Variants in SCAF8 observed in about 807,000 individuals in gnomAD.
SCAF8 encodes the protein SR-related CTD associated factor 8.
SCAF8 carries 23 observed loss-of-function variants against 140.5 expected under a neutral mutation model. The ratio of observed to expected loss-of-function variants is 0.16; its 90% CI spans 0.12 to 0.23. The LOEUF (loss-of-function observed/expected upper bound fraction) is 0.23, where lower values mean the gene tolerates loss of function less well. SCAF8 is among the 10% of genes least tolerant of loss of function. SCAF8 has a pLI of 1.00. For missense variants in SCAF8, 1,397 were observed against 1,555.7 expected (o/e 0.90, Z 1.72); for synonymous variants, 575 against 528.9 (o/e 1.09, Z -1.20).
intron 3 of SCAF8, among the ~76,000 whole-genome samples, chr6:154,781,872 A>T (rs1777095618): frequency 1.3e-5 from 2 of 152,214 alleles, no homozygotes; most frequent in African/African-American, 4.8e-5. Context: ...GTACCATTTT[A>T]TATTCTCTTC....
chr6:154,798,382 G>C (rs1777669739), intron 6 of SCAF8, among the ~76,000 whole-genome samples: 1 of 151,256 alleles, frequency 6.6e-6, no homozygotes, highest in Non-Finnish European at 1.5e-5. Context: ...AGACAATTGA[G>C]AGTAAACAGT....
At chr6:154,779,491 A>C (rs1358796264) in intron 3 of SCAF8, among the ~76,000 whole-genome samples, 1 of 152,240 alleles carries the variant, frequency 6.6e-6, no homozygotes, top group Non-Finnish European at 1.5e-5. Context: ...TTTCTTTACA[A>C]ACCACAATTT....
At position 154,832,980 on chromosome 6, in the gene SCAF8, G is replaced by C; in HGVS notation, c.3401G>C (p.Ser1134Thr). Residue 1134 changes from serine to threonine, a missense_variant, in exon 20 of 20, where the codon AGT becomes ACT. By Grantham distance (58) the Ser-to-Thr change is moderately conservative (BLOSUM62 1). Coordinates refer to ENST00000367178, the MANE Select transcript of SCAF8 (RefSeq NM_014892.5). ...GGAAACTATCGATTTGATCCTAGAA[G>C]TGGTCCTTGGAACCGAGGATTTGGA... ...RSGNYRFDPR[S>T]GPWNRGFGQE... The C allele has an allele frequency of 6.2e-7, 1 of 1,614,136 alleles. No individual in the cohort carries two copies. Among genetic ancestry groups the C allele is most frequent in the Non-Finnish European group, 8.5e-7 (1 of 1,180,014 alleles).
intron 8 of SCAF8, 149 bp downstream of exon 8, chr6:154,803,772 T>C (rs954655390): frequency 5.0e-6 from 3 of 601,126 alleles, no homozygotes; most frequent in Admixed American, 3.1e-5. Flanking sequence ...TATGTCTTGT[T>C]GTCTCTTTGT....
chr6:154,776,204 GT>G (rs1314076298), intron 2 of SCAF8, among the ~76,000 whole-genome samples: 255 of 147,230 alleles, frequency 1.7e-3, no homozygotes, highest in African/African-American at 4.1e-3. Context: ...TCACCCAGCA[GT>G]TTTTTTTTTG....
intron 18 of SCAF8, among the ~76,000 whole-genome samples, chr6:154,829,094 A>G (rs1024136946): frequency 2.0e-5 from 3 of 152,188 alleles, no homozygotes; most frequent in Non-Finnish European, 4.4e-5. Flanking sequence ...AACAAACACA[A>G]GTTTACCTAT....
rs1190532954 is a variant in SCAF8 at position 154,784,154 on chromosome 6, TA to T, written c.160-3706del. Among the ~76,000 whole-genome samples the T allele has an allele frequency of 3.7e-3, 425 of 114,772 alleles. 6 individuals carry two copies. The highest frequency in any genetic ancestry group is 0.023 in the East Asian group (94 of 4,100). 75.3% of individuals were successfully genotyped at this position (114,772 alleles called of 152,430 possible). On this transcript the variant is annotated intron_variant, in intron 3 of 19. Transcript: ENST00000367178. ...ATATATATATATATATATATATATA[TA>T]TATTTATTTATTTATTTTTCATGTA...
Position 154,810,743 on chromosome 6 carries a change from G to C in SCAF8, c.1420+535G>C, listed in dbSNP as rs570828770. On this transcript the variant is annotated intron_variant, in intron 12 of 19. Transcript: ENST00000367178. ...TGGTTTTGGAGCAGGTGTGGGGAGG[G>C]TTCACTTGGTAGGAATGTTAAGCAC... 1.6e-3 allele frequency among the ~76,000 whole-genome samples: 247 copies of C among 152,072 alleles called. 1 individual carries two copies. Among genetic ancestry groups the C allele is most frequent in the Non-Finnish European group, 2.9e-3 (196 of 67,992 alleles).
intron 1 of SCAF8, among the ~76,000 whole-genome samples, chr6:154,772,360 C>T (rs916066022): frequency 1.3e-5 from 2 of 152,142 alleles, no homozygotes; most frequent in Non-Finnish European, 2.9e-5. Context: ...AAGTAGGATT[C>T]TTTCCCTTTG....
rs146199277 is a variant in SCAF8 at position 154,832,027 on chromosome 6, A to G, written c.2448A>G (p.Gln816=). 1.2e-5 allele frequency: 19 copies of G among 1,613,910 alleles called. No individual in the cohort carries two copies. The highest frequency in any genetic ancestry group is 1.5e-5 in the Non-Finnish European group (18 of 1,179,952). Residue 816 remains glutamine, a synonymous_variant, in exon 20 of 20, where the codon CAA becomes CAG. Coordinates refer to ENST00000367178, the MANE Select transcript of SCAF8 (RefSeq NM_014892.5). ...VTSNSGILGV[Q]RPNVSSNSEI... is the part of the protein sequence containing the mutation. ...GCAATTCTGGAATTCTGGGAGTCCAAAGACCAAATGTATCAAGTAATTCTG... is the reference window on the plus strand; with the variant it reads ...GCAATTCTGGAATTCTGGGAGTCCAGAGACCAAATGTATCAAGTAATTCTG...
In SCAF8 at chr6:154,733,682, C is replaced by A; in HGVS notation, c.-219C>A. The A allele has an allele frequency of 2.3e-6, 3 of 1,306,426 alleles. No homozygotes were observed. The highest frequency in any genetic ancestry group is 2.9e-6 in the Non-Finnish European group (3 of 1,031,058). The allele number at this position is 1,306,426 out of a possible 1,614,324, so 80.9% of individuals were successfully genotyped here. ...CGCCTCTGTTCCCTAGAACGGCGCT[C>A]CCCCCGCCCTAGCGGCCATGCCGGT... On this transcript the variant is annotated 5_prime_UTR_variant, in exon 1 of 20. Transcript: ENST00000367178.
At chr6:154,828,233 TCTTAA>T (rs1347505997) in intron 18 of SCAF8, among the ~76,000 whole-genome samples, 3 of 152,204 alleles carry the variant, frequency 2.0e-5, no homozygotes, top group Non-Finnish European at 4.4e-5. Flanking sequence ...CTTCCATGTT[TCTTAA>T]CTTAAATGAA....
intron 12 of SCAF8, 114 bp downstream of exon 12, chr6:154,810,322 G>C (rs974761711): frequency 1.9e-5 from 13 of 672,172 alleles, no homozygotes; most frequent in Admixed American, 3.6e-5. Context: ...AAAGTGGTTT[G>C]GTAAATGAGT....
chr6:154,778,687 C>G (rs561792603), intron 3 of SCAF8, among the ~76,000 whole-genome samples: 42 of 151,816 alleles, frequency 2.8e-4, no homozygotes, highest in Non-Finnish European at 4.7e-4. Flanking sequence ...TTGCTTGAAC[C>G]CAGGGGGCGG....
At chr6:154,748,622 A>G (rs1428209498) in intron 1 of SCAF8, among the ~76,000 whole-genome samples, 1 of 152,198 alleles carries the variant, frequency 6.6e-6, no homozygotes. Context: ...AACATCAAGA[A>G]ATAAGGTTTA....
Position 154,769,201 on chromosome 6 carries a change from G to A in SCAF8, c.31-4788G>A, listed in dbSNP as rs574998415. 6.3e-4 allele frequency among the ~76,000 whole-genome samples: 96 copies of A among 152,196 alleles called. 5 individuals carry two copies. The South Asian group carries it at 0.017, about 27-fold the overall frequency. Reference sequence around the variant, plus strand: ...AGTATTTCCTTGAATAGTAACTTGAGTGTCTGCAGTGGGTACATTTTTAAG... The same window carrying A: ...AGTATTTCCTTGAATAGTAACTTGAATGTCTGCAGTGGGTACATTTTTAAG... On this transcript the variant is annotated intron_variant, in intron 1 of 19. Transcript: ENST00000367178.
chr6:154,756,842 A>G (rs1356534876), intron 1 of SCAF8, among the ~76,000 whole-genome samples: 1 of 152,064 alleles, frequency 6.6e-6, no homozygotes, highest in African/African-American at 2.4e-5. Flanking sequence ...CAGCCTGGAC[A>G]ACATAACGAA....
intron 3 of SCAF8, among the ~76,000 whole-genome samples, chr6:154,785,028 A>G (rs1471821556): frequency 2.0e-5 from 3 of 152,194 alleles, no homozygotes; most frequent in Admixed American, 6.5e-5. Context: ...CTTGCTTGAC[A>G]TTATAGTTTT....
In SCAF8 at chr6:154,787,745, C is replaced by A; in HGVS notation, c.160-116C>A. 7 of 770,690 alleles carry A rather than the reference C, an allele frequency of 9.1e-6. No individual in the cohort carries two copies. The South Asian group carries it at 9.6e-5, about 11-fold the overall frequency. The allele number at this position is 770,690 out of a possible 1,614,324, so 47.7% of individuals were successfully genotyped here. On this transcript the variant is annotated intron_variant, in intron 3 of 19. Coordinates refer to ENST00000367178, the MANE Select transcript of SCAF8 (RefSeq NM_014892.5). Reference sequence around the variant, plus strand: ...TTGGAGTAGTCAATGTATGAATATTCATTACCATAGCATAGGCAATGTCTT... The same window carrying A: ...TTGGAGTAGTCAATGTATGAATATTAATTACCATAGCATAGGCAATGTCTT...
Sources: allele counts gnomAD v4.1 joint callset (sites outside exome capture counted in the v4.1 genomes callset), GRCh38; gene constraint gnomAD v4.1.1; transcripts MANE v1.5; gene names NCBI Gene and HGNC (gene_info 2026-07-23, HGNC 2026-07-21).